CNDP1: variants seen among roughly 807,000 people sequenced by gnomAD.
CNDP1 encodes beta-Ala-His dipeptidase.
Under a neutral mutation model 58.1 loss-of-function variants are expected in CNDP1, and 44 were observed. The ratio of observed to expected loss-of-function variants is 0.76; its 90% CI spans 0.60 to 0.97. The LOEUF (loss-of-function observed/expected upper bound fraction) is 0.97. Ranked by LOEUF, CNDP1 falls within the 50% of genes least tolerant of loss-of-function variation. CNDP1 has a pLI of 0.00. For synonymous variants in CNDP1, 254 were observed against 252.6 expected (o/e 1.01, Z -0.05); for missense variants, 616 against 655.1 (o/e 0.94, Z 0.65).
intron 1 of CNDP1, among the ~76,000 whole-genome samples, chr18:74,537,713 C>G (rs1374733930): frequency 2.0e-5 from 3 of 152,202 alleles, no homozygotes; most frequent in Non-Finnish European, 2.9e-5. Context: ...CTCCTCTGTG[C>G]TCTAGTGCCC....
chr18:74,578,181 C>T lies in CNDP1; in HGVS notation c.1021C>T (p.Leu341Phe). The change falls in exon 9 of 12, where the codon CTC (leucine) becomes TTC (phenylalanine). Residue 341 changes from leucine to phenylalanine, a missense_variant. Transcript: ENST00000358821. ...FDTKEEILMH[L>F]WRYPSLSIHG... is the part of the protein sequence containing the mutation. ...AATATAGGAGGAGATTCTAATGCAC[C>T]TCTGGAGGTACCCATCTCTTTCTAT... is the stretch of plus-strand genomic sequence containing the variant. 9 of 1,613,280 alleles carry T rather than the reference C, an allele frequency of 5.6e-6. No homozygotes were observed. Among genetic ancestry groups the T allele is most frequent in the Non-Finnish European group, 7.6e-6 (9 of 1,179,780 alleles).
chr18:74,585,584 C>T lies in CNDP1; in HGVS notation c.*1022C>T, dbSNP rs1382227305. ...ACAACAAAAAAAGACAGTCATTTTT[C>T]TACAGTTGAGTGTATATAAACAAAA... On this transcript the variant is annotated 3_prime_UTR_variant, in exon 12 of 12. Coordinates refer to ENST00000358821, the MANE Select transcript of CNDP1 (RefSeq NM_032649.6). 6.6e-6 allele frequency: 1 copy of T among 152,002 alleles called. No individual in the cohort carries two copies. Among genetic ancestry groups the T allele is most frequent in the Non-Finnish European group, 1.5e-5 (1 of 67,998 alleles). The allele number at this position is 152,002 out of a possible 1,614,324, so 9.4% of individuals were successfully genotyped here. A position where few individuals can be genotyped will look rare whatever the true frequency, so the allele number is the denominator to read the frequency against.
chr18:74,559,243 G>A, intron 2 of CNDP1, 80 bp from the exon 3 acceptor site: 1 of 1,447,164 alleles, frequency 6.9e-7, no homozygotes, highest in Non-Finnish European at 9.7e-7. Context: ...GGGACTCGCT[G>A]TCTCCTGCCC....
At chr18:74,543,519 T>C (rs796655621) in intron 1 of CNDP1, among the ~76,000 whole-genome samples, 2 of 147,610 alleles carry the variant, frequency 1.4e-5, no homozygotes, top group Admixed American at 6.8e-5. Context: ...CAAAATAAAA[T>C]AAAATAAAAT....
In CNDP1 at chr18:74,562,067, G is replaced by C. The variant is rs1185791650; in HGVS notation, c.487G>C (p.Ala163Pro). The C allele has an allele frequency of 5.6e-6, 9 of 1,613,992 alleles. No homozygotes were observed. Among genetic ancestry groups the C allele is most frequent in the African/African-American group, 1.3e-5 (1 of 74,902 alleles). ...TAAAGGGAAACTTTATGGACGAGGA[G>C]CGACCGACAACAAAGGCCCTGTCTT... ...EVDGKLYGRGATDNKGPVLAW... is the reference protein window; with the variant it reads ...EVDGKLYGRGPTDNKGPVLAW... The change falls in exon 5 of 12, where the codon GCG becomes CCG. Residue 163 changes from alanine (A) to proline (P), a missense_variant. Ala to Pro is a conservative substitution (Grantham distance 27). Coordinates refer to ENST00000358821, the MANE Select transcript of CNDP1 (RefSeq NM_032649.6).
chr18:74,581,779 C>T (rs1001860334), intron 10 of CNDP1, among the ~76,000 whole-genome samples: 16 of 152,298 alleles, frequency 1.1e-4, no homozygotes, highest in African/African-American at 3.8e-4. Flanking sequence ...ACCCTGCCAA[C>T]AATAGCAGAA....
At chr18:74,582,647 C>A (rs1981816678) in intron 10 of CNDP1, among the ~76,000 whole-genome samples, 1 of 152,160 alleles carries the variant, frequency 6.6e-6, no homozygotes, top group Non-Finnish European at 1.5e-5. Flanking sequence ...TTTTACAAAA[C>A]TACCGACTGA....
At chr18:74,560,249 C>G (rs941704852) in intron 3 of CNDP1, among the ~76,000 whole-genome samples, 23 of 152,136 alleles carry the variant, frequency 1.5e-4, no homozygotes, top group Non-Finnish European at 3.1e-4. Flanking sequence ...CTCCTGACCT[C>G]GTGATCCACC....
chr18:74,551,403 CAG>C (rs1289024234), intron 1 of CNDP1, among the ~76,000 whole-genome samples: 2 of 147,040 alleles, frequency 1.4e-5, no homozygotes, highest in African/African-American at 5.1e-5. Context: ...CAAACAAAAA[CAG>C]AGGCATGGAG....
chr18:74,579,177 C>T (rs1315397487), intron 9 of CNDP1, among the ~76,000 whole-genome samples: 1 of 141,720 alleles, frequency 7.1e-6, no homozygotes, highest in Non-Finnish European at 1.6e-5. Context: ...CTCCCTTCTC[C>T]CTTCTCCCTT....
chr18:74,556,818 G>A (rs949422633), intron 2 of CNDP1, among the ~76,000 whole-genome samples: 2 of 152,226 alleles, frequency 1.3e-5, no homozygotes, highest in Admixed American at 6.5e-5. Context: ...GGGCAGAGCT[G>A]GGGAGCCAGG....
intron 1 of CNDP1, among the ~76,000 whole-genome samples, chr18:74,537,961 A>T (rs1273063417): frequency 6.6e-6 from 1 of 152,204 alleles, no homozygotes; most frequent in African/African-American, 2.4e-5. Flanking sequence ...TGTACAATTT[A>T]CTGCCTTTTT....
chr18:74,550,772 T>G (rs2144647209), intron 1 of CNDP1, among the ~76,000 whole-genome samples: 1 of 151,832 alleles, frequency 6.6e-6, no homozygotes, highest in Non-Finnish European at 1.5e-5. Flanking sequence ...GTTTTTTGTT[T>G]TGTATTTTTA....
intron 1 of CNDP1, among the ~76,000 whole-genome samples, chr18:74,546,587 T>C (rs1980766783): frequency 6.6e-6 from 1 of 152,170 alleles, no homozygotes; most frequent in Non-Finnish European, 1.5e-5. Context: ...GGTCCCACTG[T>C]CCCTGCTTCA....
chr18:74,562,693 C>T (rs762092227), intron 5 of CNDP1, among the ~76,000 whole-genome samples: 7 of 152,186 alleles, frequency 4.6e-5, no homozygotes, highest in Non-Finnish European at 1.0e-4. Flanking sequence ...GGCTCTGGAG[C>T]AGAGGCAGGG....
chr18:74,582,317 C>A (rs1981809724), intron 10 of CNDP1, among the ~76,000 whole-genome samples: 1 of 152,198 alleles, frequency 6.6e-6, no homozygotes, highest in African/African-American at 2.4e-5. Context: ...TCTCTGGTTT[C>A]TTTGTTTCAT....
chr18:74,566,034 C>A (rs1329089910), intron 5 of CNDP1, among the ~76,000 whole-genome samples: 2 of 152,254 alleles, frequency 1.3e-5, no homozygotes, highest in Non-Finnish European at 2.9e-5. Context: ...AGGCTCAACA[C>A]CACATGGAAG....
intron 7 of CNDP1, among the ~76,000 whole-genome samples, chr18:74,572,790 C>CAAAAAAAAAAAAAAAAAAAAAAAAA (rs56059264): frequency 5.0e-5 from 3 of 60,068 alleles, no homozygotes; most frequent in African/African-American, 7.1e-5. Flanking sequence ...GACCCTGTAT[C>CAAAAAAAAAAAAAAAAAAAAAAAAA]AAAAAAAAAA....
chr18:74,586,773 G>A lies in CNDP1; in HGVS notation c.*2211G>A, dbSNP rs899529196. 1.3e-5 allele frequency: 2 copies of A among 152,148 alleles called. No homozygotes were observed. The highest frequency in any genetic ancestry group is 4.8e-5 in the African/African-American group (2 of 41,422). 9.4% of individuals were successfully genotyped at this position (152,148 alleles called of 1,614,324 possible). Reference sequence around the variant, plus strand: ...TTTCCACCCAATTCTAAGCCCTGTGGTGATCCAGACCCTACCCTGACGTGG... The same window carrying A: ...TTTCCACCCAATTCTAAGCCCTGTGATGATCCAGACCCTACCCTGACGTGG... On this transcript the variant is annotated 3_prime_UTR_variant, in exon 12 of 12. Coordinates refer to ENST00000358821, the MANE Select transcript of CNDP1 (RefSeq NM_032649.6).
Sources: allele counts gnomAD v4.1 joint callset (sites outside exome capture counted in the v4.1 genomes callset), GRCh38; gene constraint gnomAD v4.1.1; transcripts MANE v1.5; gene names NCBI Gene and HGNC (gene_info 2026-07-23, HGNC 2026-07-21).